The following PANX1 variants were observed in gnomAD, a reference collection of about 807,000 sequenced individuals.
PANX1 encodes pannexin 1, also known as pannexin-1.
A neutral mutation model predicts 38.7 loss-of-function variants in PANX1; 30 were observed. The observed-to-expected ratio is 0.78, with a 90% CI of 0.58 to 1.05. PANX1 has a LOEUF of 1.05. PANX1 is among the 50% of genes least tolerant of loss of function. The pLI is 0.00. For synonymous variants in PANX1, 230 were observed against 212.2 expected, an observed-to-expected ratio of 1.08 and a Z score of -0.73; for missense variants, 551 against 517.2, an observed-to-expected ratio of 1.07 and a Z score of -0.63.
chr11:94,142,425 G>A (rs1397487531), intron 1 of PANX1, among the ~76,000 whole-genome samples: 1 of 152,142 alleles, frequency 6.6e-6, no homozygotes, highest in Non-Finnish European at 1.5e-5. Flanking sequence ...TTCCCAGTCT[G>A]TCACCCCAGG....
At position 94,142,684 on chromosome 11, in the gene PANX1, T is replaced by C. The variant is rs1279433872; in HGVS notation, c.182-10807T>C. On this transcript the variant is annotated intron_variant, in intron 1 of 4. Transcript: ENST00000227638. ...CTGCCTCCACTGGACTGTAAGCCCT[T>C]GGAGGGCTGAGACCAAGTCTTCTTT... Among the ~76,000 whole-genome samples, 4 of 152,264 alleles carry C rather than the reference T, an allele frequency of 2.6e-5. No individual in the cohort carries two copies. The East Asian group carries it at 7.7e-4, about 29-fold the overall frequency.
chr11:94,180,406 G>A (rs1458646601), intron 4 of PANX1, 149 bp downstream of exon 4: 1 of 633,438 alleles, frequency 1.6e-6, no homozygotes, highest in African/African-American at 1.8e-5. Context: ...GGTAGGGGGA[G>A]TGGGAACCCC....
intron 1 of PANX1, among the ~76,000 whole-genome samples, chr11:94,151,681 G>A (rs1287651984): frequency 6.6e-6 from 1 of 152,146 alleles, no homozygotes; most frequent in Admixed American, 6.5e-5. Flanking sequence ...GTGCTGTCCC[G>A]ACTACTCATC....
intron 2 of PANX1, among the ~76,000 whole-genome samples, chr11:94,164,794 T>C (rs575912437): frequency 3.2e-4 from 48 of 152,234 alleles, no homozygotes; most frequent in Non-Finnish European, 6.2e-4. Context: ...CCGACTATTA[T>C]TATATTGGGC....
chr11:94,156,632 G>A (rs1288261753), intron 2 of PANX1, among the ~76,000 whole-genome samples: 1 of 152,050 alleles, frequency 6.6e-6, no homozygotes, highest in African/African-American at 2.4e-5. Flanking sequence ...CTACTTGCCT[G>A]CCAGAAGTAA....
intron 2 of PANX1, among the ~76,000 whole-genome samples, chr11:94,165,331 AT>A (rs538951329): frequency 1.5e-4 from 22 of 148,476 alleles, no homozygotes; most frequent in African/African-American, 3.7e-4. Flanking sequence ...ATTTTTATTT[AT>A]TTTTTTTAAT....
intron 1 of PANX1, among the ~76,000 whole-genome samples, chr11:94,150,629 C>A (rs1946872517): frequency 6.6e-6 from 1 of 152,084 alleles, no homozygotes; most frequent in Admixed American, 6.5e-5. Context: ...GGCTCAGAGC[C>A]CAGCTGTGCC....
intron 2 of PANX1, among the ~76,000 whole-genome samples, chr11:94,172,926 G>C (rs1186186453): frequency 6.6e-6 from 1 of 151,716 alleles, no homozygotes; most frequent in Admixed American, 6.5e-5. Flanking sequence ...GTTCCCTCCA[G>C]CTGCACTCCA....
intron 1 of PANX1, among the ~76,000 whole-genome samples, chr11:94,135,854 G>A (rs879884426): frequency 1.3e-4 from 20 of 152,056 alleles, no homozygotes; most frequent in Non-Finnish European, 2.2e-4. Flanking sequence ...AAAACAAATC[G>A]AGTCATACCA....
intron 1 of PANX1, among the ~76,000 whole-genome samples, chr11:94,146,828 G>A (rs73512242): frequency 0.055 from 8,430 of 152,272 alleles, 807 homozygotes; most frequent in African/African-American, 0.19. Flanking sequence ...CTGCTTGGAT[G>A]AAAACAGTTG....
intron 1 of PANX1, among the ~76,000 whole-genome samples, chr11:94,138,879 C>A (rs112712332): frequency 1.4e-3 from 212 of 152,286 alleles, no homozygotes; most frequent in African/African-American, 4.9e-3. Flanking sequence ...ATTATTTCTT[C>A]AGTTGCATTA....
intron 2 of PANX1, among the ~76,000 whole-genome samples, chr11:94,162,063 T>C (rs1047955686): frequency 5.9e-5 from 9 of 152,190 alleles, no homozygotes; most frequent in Middle Eastern, 3.2e-3. Context: ...TGTTGCTGCC[T>C]GATCGTTCCT....
At chr11:94,155,031 C>A (rs1380556366) in intron 2 of PANX1, among the ~76,000 whole-genome samples, 4 of 152,078 alleles carry the variant, frequency 2.6e-5, no homozygotes, top group Admixed American at 1.3e-4. Flanking sequence ...CATGGTAAAA[C>A]CCCGTCTCTA....
intron 1 of PANX1, among the ~76,000 whole-genome samples, chr11:94,138,003 T>G (rs1946721207): frequency 6.6e-6 from 1 of 151,698 alleles, no homozygotes; most frequent in Non-Finnish European, 1.5e-5. Context: ...GTAATATAAA[T>G]AGCATTGTGA....
intron 1 of PANX1, among the ~76,000 whole-genome samples, chr11:94,145,515 A>G (rs1946818511): frequency 6.6e-6 from 1 of 152,188 alleles, no homozygotes; most frequent in Non-Finnish European, 1.5e-5. Context: ...TTTTGCATTC[A>G]TGGTCATTTC....
intron 1 of PANX1, among the ~76,000 whole-genome samples, chr11:94,129,869 G>C (rs777930032): frequency 8.5e-5 from 13 of 152,180 alleles, no homozygotes; most frequent in Non-Finnish European, 1.5e-4. Context: ...TTTTACACCA[G>C]AGAAGTTCCT....
At chr11:94,170,310 A>G in intron 2 of PANX1, among the ~76,000 whole-genome samples, 1 of 151,590 alleles carries the variant, frequency 6.6e-6, no homozygotes, top group East Asian at 1.9e-4. Context: ...AAACCATACA[A>G]TATTTGTCCT....
intron 2 of PANX1, among the ~76,000 whole-genome samples, chr11:94,174,836 A>G (rs528601984): frequency 2.0e-5 from 3 of 151,860 alleles, no homozygotes; most frequent in African/African-American, 4.9e-5. Flanking sequence ...TATGGAGGGA[A>G]GTTGTACTGC....
chr11:94,145,392 C>T (rs1946816695), intron 1 of PANX1, among the ~76,000 whole-genome samples: 1 of 152,202 alleles, frequency 6.6e-6, no homozygotes, highest in African/African-American at 2.4e-5. Context: ...TGCCCCAAAC[C>T]TATATGCTCC....
Sources: allele counts gnomAD v4.1 joint callset (sites outside exome capture counted in the v4.1 genomes callset), GRCh38; gene constraint gnomAD v4.1.1; transcripts MANE v1.5; gene names NCBI Gene and HGNC (gene_info 2026-07-23, HGNC 2026-07-21).